The following SLC17A6 variants were observed in gnomAD, a reference collection of about 807,000 sequenced individuals.
The protein encoded by SLC17A6 is solute carrier family 17 member 6.
A neutral mutation model predicts 67.1 loss-of-function variants in SLC17A6; 35 were observed. The observed-to-expected ratio is 0.52, with a 90% CI of 0.40 to 0.69. SLC17A6 has a LOEUF of 0.69. Ranked by LOEUF, SLC17A6 falls within the 30% of genes least tolerant of loss-of-function variation. SLC17A6 has a pLI of 0.00. For synonymous variants in SLC17A6, 285 were observed against 252.3 expected (o/e 1.13, Z -1.23); for missense variants, 588 against 723.9 (o/e 0.81, Z 2.15).
chr11:22,376,601 A>G lies in SLC17A6; in HGVS notation c.1342A>G (p.Ile448Val), dbSNP rs772184307. ...APRYASILMG[I>V]SNGVGTLSGM... ...AAGATATGCCAGTATCTTAATGGGCATTTCGAATGGTGTTGGCACATTGTC... is the reference window on the plus strand; with the variant it reads ...AAGATATGCCAGTATCTTAATGGGCGTTTCGAATGGTGTTGGCACATTGTC... Residue 448 changes from isoleucine (I) to valine (V), a missense_variant, in exon 11 of 12, where the codon ATT becomes GTT. Ile to Val is a conservative substitution (Grantham distance 29). Transcript: ENST00000263160. 3.7e-6 allele frequency: 6 copies of G among 1,613,862 alleles called. No individual in the cohort carries two copies. In the African/African-American group the frequency reaches 4.0e-5, roughly 11 times the overall value.
At chr11:22,376,789 T>A (rs1312406917) in intron 11 of SLC17A6, 117 bp downstream of exon 11, 1 of 1,014,170 alleles carries the variant, frequency 9.9e-7, no homozygotes, top group African/African-American at 1.6e-5. Flanking sequence ...AGTCACCACA[T>A]CTCTGAGTGG....
At chr11:22,367,050 G>C (rs906077590) in intron 7 of SLC17A6, among the ~76,000 whole-genome samples, 2 of 147,608 alleles carry the variant, frequency 1.4e-5, no homozygotes, top group Non-Finnish European at 3.0e-5. Flanking sequence ...AGTAAAATTA[G>C]TGTATTTAGA....
chr11:22,342,732 CCATTTGTGGGGA>C (rs1204639914), intron 2 of SLC17A6, among the ~76,000 whole-genome samples: 1 of 152,208 alleles, frequency 6.6e-6, no homozygotes, highest in Non-Finnish European at 1.5e-5. Flanking sequence ...ATATCCGTCC[CCATTTGTGGGGA>C]CACGCTTTCT....
At position 22,377,742 on chromosome 11, in the gene SLC17A6, A is replaced by G; in HGVS notation, c.*2A>G. 2 of 1,539,492 alleles carry G rather than the reference A, an allele frequency of 1.3e-6. No individual in the cohort carries two copies. The highest frequency in any genetic ancestry group is 2.5e-5 in the South Asian group (2 of 79,630). On this transcript the variant is annotated 3_prime_UTR_variant, in exon 12 of 12. Coordinates refer to ENST00000263160, the MANE Select transcript of SLC17A6 (RefSeq NM_020346.3). ...AAGGACCGAGTTGATTATTCATAAC[A>G]AAACTAATTACTGGATTTATTTTTA...
chr11:22,340,735 G>A (rs1855805589), intron 1 of SLC17A6, among the ~76,000 whole-genome samples: 1 of 152,088 alleles, frequency 6.6e-6, no homozygotes, highest in South Asian at 2.1e-4. Flanking sequence ...ATGCTGTGGA[G>A]CCCTTTGTCT....
At chr11:22,372,200 C>G (rs1332342259) in intron 8 of SLC17A6, among the ~76,000 whole-genome samples, 1 of 151,640 alleles carries the variant, frequency 6.6e-6, no homozygotes, top group African/African-American at 2.4e-5. Flanking sequence ...TGACTTAGTT[C>G]AGACAGCACT....
At chr11:22,375,584 G>A (rs1856224368) in intron 9 of SLC17A6, among the ~76,000 whole-genome samples, 1 of 151,514 alleles carries the variant, frequency 6.6e-6, no homozygotes, top group African/African-American at 2.4e-5. Context: ...GGGTTCAAGC[G>A]ATTCTCTTGC....
intron 5 of SLC17A6, 95 bp from the exon 6 acceptor site, chr11:22,362,644 C>T (rs942908236): frequency 2.0e-6 from 2 of 1,007,596 alleles, no homozygotes; most frequent in Non-Finnish European, 3.1e-6. Context: ...CCTGAGTGTT[C>T]CAGCGTCTGT....
intron 7 of SLC17A6, among the ~76,000 whole-genome samples, chr11:22,367,225 C>G (rs1027420029): frequency 6.6e-6 from 1 of 151,702 alleles, no homozygotes; most frequent in East Asian, 1.9e-4. Context: ...GATTCTAGCT[C>G]AGATTCTCTA....
chr11:22,341,594 G>C lies in SLC17A6; in HGVS notation c.153G>C (p.Glu51Asp). Residue 51 changes from glutamate to aspartate, a missense_variant, in exon 2 of 12, where the codon GAG becomes GAC. Coordinates refer to ENST00000263160, the MANE Select transcript of SLC17A6 (RefSeq NM_020346.3). ...IELTEDGKPLEVPERKAPLCD... is the reference protein window; with the variant it reads ...IELTEDGKPLDVPERKAPLCD... ...TGACGGAGGATGGGAAGCCCCTAGA[G>C]GTGCCCGAGAGGAAGGCGCCGCTGT... 6.2e-7 allele frequency: 1 copy of C among 1,614,124 alleles called. No homozygotes were observed. Among genetic ancestry groups the C allele is most frequent in the Non-Finnish European group, 8.5e-7 (1 of 1,180,040 alleles).
At chr11:22,371,418 C>T (rs1856173537) in intron 8 of SLC17A6, among the ~76,000 whole-genome samples, 2 of 152,012 alleles carry the variant, frequency 1.3e-5, no homozygotes, top group Non-Finnish European at 2.9e-5. Context: ...ACTGTTTCCT[C>T]CATCCCCGAG....
chr11:22,360,863 T>A (rs781407869), intron 4 of SLC17A6, 34 bp from the exon 5 acceptor site: 3 of 1,572,488 alleles, frequency 1.9e-6, no homozygotes, highest in Middle Eastern at 3.3e-4. Context: ...TGATCCTAAA[T>A]GGTGACAGTG....
At chr11:22,342,235 G>A (rs76872906) in intron 2 of SLC17A6, among the ~76,000 whole-genome samples, 6,638 of 152,288 alleles carry the variant, frequency 0.044, 457 homozygotes, top group African/African-American at 0.15. Context: ...GTTCAGCTGA[G>A]TGGTCTTTCG....
intron 3 of SLC17A6, among the ~76,000 whole-genome samples, chr11:22,358,715 G>A (rs1441795315): frequency 1.3e-5 from 2 of 152,036 alleles, no homozygotes; most frequent in Non-Finnish European, 2.9e-5. Context: ...TACGTTTCTG[G>A]CATTTTTTTC....
chr11:22,351,322 A>G (rs1397926960), intron 3 of SLC17A6, among the ~76,000 whole-genome samples: 1 of 152,070 alleles, frequency 6.6e-6, no homozygotes, highest in East Asian at 1.9e-4. Context: ...TTAGGCTTCT[A>G]GGGTACCCAT....
At position 22,338,638 on chromosome 11, in the gene SLC17A6, T is replaced by G. The variant is rs764999715; in HGVS notation, c.86+19T>G. 1 of 1,582,318 alleles carries G rather than the reference T, an allele frequency of 6.3e-7. No homozygotes were observed. Among genetic ancestry groups the G allele is most frequent in the African/African-American group, 1.3e-5 (1 of 74,252 alleles). On this transcript the variant is annotated intron_variant, in intron 1 of 11. Coordinates refer to ENST00000263160, the MANE Select transcript of SLC17A6 (RefSeq NM_020346.3). ...TCTACAGGTAAGACAAAGCGAACAC[T>G]TGCTTACCTGGGGCTCAGCATGAAA...
At chr11:22,363,151 A>C (rs1856070902) in intron 6 of SLC17A6, among the ~76,000 whole-genome samples, 1 of 149,794 alleles carries the variant, frequency 6.7e-6, no homozygotes, top group Non-Finnish European at 1.5e-5. Context: ...GTTAGGCAGC[A>C]GTCACCTCCC....
chr11:22,342,938 C>T (rs1855834163), intron 2 of SLC17A6: 5 of 498,148 alleles, frequency 1.0e-5, no homozygotes, highest in Admixed American at 9.2e-5. Context: ...CATGGGGAGT[C>T]CGAATTTCCA....
intron 11 of SLC17A6, 76 bp from the exon 12 acceptor site, chr11:22,377,329 G>A (rs1856242289): frequency 7.7e-7 from 1 of 1,306,930 alleles, no homozygotes; most frequent in Admixed American, 2.3e-5. Flanking sequence ...ACTCAGTGGT[G>A]GTGCATTCAG....
Sources: allele counts gnomAD v4.1 joint callset (sites outside exome capture counted in the v4.1 genomes callset), GRCh38; gene constraint gnomAD v4.1.1; transcripts MANE v1.5; gene names NCBI Gene and HGNC (gene_info 2026-07-23, HGNC 2026-07-21).